BSN: variants seen among roughly 807,000 people sequenced by gnomAD.
BSN encodes the protein protein bassoon.
In BSN, 57 loss-of-function variants were observed where a neutral mutation model predicts 264.8. The observed-to-expected ratio is 0.22, with a 90% confidence interval of 0.17 to 0.27. The LOEUF is 0.27. Ranked by LOEUF, BSN falls within the 10% of genes least tolerant of loss-of-function variation. The probability of loss-of-function intolerance (pLI) is 1.00; values close to 1 mark genes in which losing one functional copy is unlikely to be tolerated. For missense variants in BSN, 4,615 were observed against 5,232.5 expected (o/e 0.88, Z 3.64); for synonymous variants, 2,059 against 2,137.3 (o/e 0.96, Z 1.01).
Position 49,655,001 on chromosome 3 carries a change from C to T in BSN, c.5445C>T (p.Asp1815=), listed in dbSNP as rs138782538. 151 of 1,613,314 alleles carry T rather than the reference C, an allele frequency of 9.4e-5. No homozygotes were observed. In the African/African-American group the frequency reaches 1.5e-3, roughly 16 times the overall value. Residue 1815 remains aspartate, a synonymous_variant, in exon 5 of 12, where the codon GAC becomes GAT. Transcript: ENST00000296452. ...AAGTAGCTCCTCTGGCCAGAAGAGA[C>T]GTTTTGATCACTCAGATGGGCACCG... The part of the protein sequence containing the change: ...PNQVAPLARR[D]VLITQMGTAQ...
chr3:49,666,251 C>G (rs1046172132), intron 11 of BSN, among the ~76,000 whole-genome samples: 5 of 152,202 alleles, frequency 3.3e-5, no homozygotes, highest in African/African-American at 1.2e-4. Flanking sequence ...ATGCTGGGCC[C>G]GGGCCAGCAC....
chr3:49,562,964 A>G (rs1029341394), intron 1 of BSN, among the ~76,000 whole-genome samples: 1 of 152,132 alleles, frequency 6.6e-6, no homozygotes, highest in African/African-American at 2.4e-5. Context: ...TAACTAGATG[A>G]TCTCCACAGT....
chr3:49,660,395 C>T lies in BSN; in HGVS notation c.8641-91C>T. ...CCAGCAAGATGGAACCCAGCTCCTT[C>T]CCCAGCCCAGGCCTGGGTTCTGCCA... is the stretch of plus-strand genomic sequence containing the variant. On this transcript the variant is annotated intron_variant, in intron 5 of 11. Transcript: ENST00000296452. The surrounding 1 kb of genome is among the most constrained non-coding windows in gnomAD (Gnocchi z 7.1). 1 of 1,501,824 alleles carries T rather than the reference C, an allele frequency of 6.7e-7. No individual in the cohort carries two copies. The highest frequency in any genetic ancestry group is 1.4e-5 in the South Asian group (1 of 72,488). 93.0% of individuals were successfully genotyped at this position (1,501,824 alleles called of 1,614,324 possible).
intron 1 of BSN, among the ~76,000 whole-genome samples, chr3:49,579,027 A>C (rs2108013994): frequency 6.6e-6 from 1 of 152,256 alleles, no homozygotes. Context: ...CCCAGAGGAC[A>C]TGGAGGCTGG....
chr3:49,557,639 A>G (rs2051683921), intron 1 of BSN, among the ~76,000 whole-genome samples: 1 of 142,540 alleles, frequency 7.0e-6, no homozygotes, highest in South Asian at 2.2e-4. Context: ...GTGCAGTGGC[A>G]CGATCTCCGC....
chr3:49,642,509 A>G lies in BSN; in HGVS notation c.875A>G (p.Gln292Arg), dbSNP rs1471918818. 3.2e-6 allele frequency: 5 copies of G among 1,569,758 alleles called. No individual in the cohort carries two copies. The Admixed American group carries it at 9.3e-5, about 29-fold the overall frequency. ...ARATSVPGPAQAAAPPEVGRV... is the reference protein window; with the variant it reads ...ARATSVPGPARAAAPPEVGRV... ...GCCACCTCAGTGCCGGGGCCTGCCC[A>G]AGCAGCTGCCCCTCCAGAGGTGGGG... Residue 292 changes from glutamine (Q) to arginine (R), a missense_variant, in exon 3 of 12, where the codon CAA becomes CGA. Transcript: ENST00000296452. The surrounding 1 kb of genome is among the most constrained non-coding windows in gnomAD (Gnocchi z 7.0).
At chr3:49,628,958 C>T (rs1243704302) in intron 2 of BSN, among the ~76,000 whole-genome samples, 6 of 152,072 alleles carry the variant, frequency 3.9e-5, no homozygotes, top group South Asian at 4.2e-4. Context: ...TCAGGGCAAG[C>T]GAGTAATTTA....
In BSN at chr3:49,662,483, C is replaced by T. The variant is rs746623961; in HGVS notation, c.10638C>T (p.Asp3546=). The T allele has an allele frequency of 6.8e-6, 11 of 1,613,536 alleles. No individual in the cohort carries two copies. Among genetic ancestry groups the T allele is most frequent in the Non-Finnish European group, 8.5e-6 (10 of 1,180,010 alleles). The change falls in exon 6 of 12, where the codon GAC becomes GAT. Residue 3546 remains aspartate, a synonymous_variant. Coordinates refer to ENST00000296452, the MANE Select transcript of BSN (RefSeq NM_003458.4). ...CTGATGTCCAGGAACATGTCAAGGA[C>T]GGACCTCGGGCCCACGCATATAAGC... The part of the protein sequence containing the change: ...SMPDVQEHVK[D]GPRAHAYKRE...
chr3:49,609,282 T>C (rs1404339948), intron 1 of BSN, among the ~76,000 whole-genome samples: 4 of 151,474 alleles, frequency 2.6e-5, no homozygotes, highest in Admixed American at 2.6e-4. Context: ...TTTTTTTTTT[T>C]TGTAGAGATG....
chr3:49,630,572 C>T (rs1317099077), intron 2 of BSN, among the ~76,000 whole-genome samples: 2 of 152,156 alleles, frequency 1.3e-5, no homozygotes, highest in African/African-American at 4.8e-5. Flanking sequence ...GGGTGGAGGC[C>T]ACAGCCACTG....
chr3:49,642,749 A>T lies in BSN; in HGVS notation c.1115A>T (p.Asp372Val). The T allele has an allele frequency of 6.2e-7, 1 of 1,613,390 alleles. No homozygotes were observed. The highest frequency in any genetic ancestry group is 8.5e-7 in the Non-Finnish European group (1 of 1,179,920). The change falls in exon 3 of 12, where the codon GAC (aspartate) becomes GTC (valine). Residue 372 changes from aspartate (D) to valine (V), a missense_variant. Physicochemically the swap from Asp to Val is radical, Grantham distance 152 (BLOSUM62 -3). Transcript: ENST00000296452. The surrounding 1 kb of genome is among the most constrained non-coding windows in gnomAD (Gnocchi z 7.0). ...CTCATGTCTGTGCAGCCCGAGGCTG[A>T]CACCCAGGGCCAGCCTGCCCCCAGC... ...STLMSVQPEADTQGQPAPSKG... is the reference protein window; with the variant it reads ...STLMSVQPEAVTQGQPAPSKG...
Position 49,657,402 on chromosome 3 carries a change from G to A in BSN, c.7846G>A (p.Asp2616Asn), listed in dbSNP as rs767098927. The A allele has an allele frequency of 3.9e-5, 63 of 1,613,102 alleles. No homozygotes were observed. In the South Asian group the frequency reaches 4.5e-4, roughly 12 times the overall value. Residue 2616 changes from aspartate (D) to asparagine (N), a missense_variant, in exon 5 of 12, where the codon GAC (aspartate) becomes AAC (asparagine). By Grantham distance (23) the Asp-to-Asn change is conservative. This residue lies in a region of BSN where 3,415 missense variants were observed against 3,866.4 expected (regional missense o/e 0.88). Coordinates refer to ENST00000296452, the MANE Select transcript of BSN (RefSeq NM_003458.4). Reference protein sequence around the residue: ...RSADCSVQTDDEDSAEWEQPV... With the variant: ...RSADCSVQTDNEDSAEWEQPV... ...TGCTGACTGCAGTGTGCAGACGGAC[G>A]ACGAAGACAGTGCTGAGTGGGAGCA...
chr3:49,620,506 G>C (rs2052297237), intron 1 of BSN, among the ~76,000 whole-genome samples: 1 of 152,078 alleles, frequency 6.6e-6, no homozygotes, highest in African/African-American at 2.4e-5. Context: ...CACATGTCAG[G>C]AGTGGGCCTG....
chr3:49,648,290 G>A (rs1458125641), intron 3 of BSN, among the ~76,000 whole-genome samples: 1 of 152,232 alleles, frequency 6.6e-6, no homozygotes, highest in African/African-American at 2.4e-5. Flanking sequence ...GGTGGGCCAG[G>A]GCAGATATCC....
intron 2 of BSN, among the ~76,000 whole-genome samples, chr3:49,626,140 T>G (rs2052339892): frequency 2.0e-5 from 3 of 152,200 alleles, no homozygotes; most frequent in Non-Finnish European, 4.4e-5. Flanking sequence ...ATGCTTTGAA[T>G]GACTGTGGGA....
chr3:49,631,339 T>G (rs1306886726), intron 2 of BSN, among the ~76,000 whole-genome samples: 1 of 152,034 alleles, frequency 6.6e-6, no homozygotes, highest in Non-Finnish European at 1.5e-5. Context: ...GCAGATCACT[T>G]GAGCCCAGGA....
intron 5 of BSN, among the ~76,000 whole-genome samples, chr3:49,659,569 T>C (rs11715316): frequency 1.4e-4 from 21 of 152,156 alleles, no homozygotes; most frequent in African/African-American, 4.8e-4. Flanking sequence ...ATTTGGGTGG[T>C]CCATGAAACC....
chr3:49,662,418 G>A lies in BSN; in HGVS notation c.10573G>A (p.Gly3525Arg), dbSNP rs201233174. Residue 3525 changes from glycine (G) to arginine (R), a missense_variant, in exon 6 of 12, where the codon GGG (glycine) becomes AGG (arginine). Physicochemically the swap from Gly to Arg is moderately radical, Grantham distance 125. This residue lies in a region of BSN where 3,415 missense variants were observed against 3,866.4 expected (regional missense o/e 0.88). Transcript: ENST00000296452. Reference protein sequence around the residue: ...RPAGGPLPPGGDTCPQFCSSH... With the variant: ...RPAGGPLPPGRDTCPQFCSSH... ...TGCCGGAGGGCCCCTCCCTCCCGGC[G>A]GGGATACCTGCCCACAGTTCTGCTC... 41 of 1,613,518 alleles carry A rather than the reference G, an allele frequency of 2.5e-5. No homozygotes were observed. Among genetic ancestry groups the A allele is most frequent in the East Asian group, 4.5e-5 (2 of 44,878 alleles).
In BSN at chr3:49,663,601, A is replaced by G. The variant is rs868687858; in HGVS notation, c.11443A>G (p.Ser3815Gly). Reference protein sequence around the residue: ...PTTRGSAPAASQPAGKPQPGP... With the variant: ...PTTRGSAPAAGQPAGKPQPGP... ...CACCCGGGGCTCAGCCCCTGCTGCC[A>G]GCCAGCCTGCAGGGAAGCCTCAGCC... is the stretch of plus-strand genomic sequence containing the variant. The change falls in exon 7 of 12, where the codon AGC (serine) becomes GGC (glycine). Residue 3815 changes from serine (S) to glycine (G), a missense_variant. Transcript: ENST00000296452. 2.5e-6 allele frequency: 4 copies of G among 1,608,252 alleles called. No homozygotes were observed. The Middle Eastern group carries it at 6.6e-4, about 266-fold the overall frequency.
Sources: gnomAD v4.1 joint callset for allele counts (sites outside exome capture counted in the v4.1 genomes callset) on GRCh38, gnomAD v4.1.1 for gene constraint, gnomAD v4.1.1 regional missense constraint, Gnocchi (gnomAD v3.1) non-coding constraint, MANE v1.5 for transcripts, NCBI Gene and HGNC (gene_info 2026-07-23, HGNC 2026-07-21) for gene names.